XKR5: variants seen among roughly 807,000 people sequenced by gnomAD.
XKR5 encodes XK related 5, also known as XK-related protein 5.
A neutral mutation model predicts 40.8 loss-of-function variants in XKR5; 46 were observed. That is an observed-to-expected ratio of 1.13 (90% CI 0.89 to 1.44). XKR5 has a LOEUF of 1.44. XKR5 is among the 40% of genes most tolerant of loss of function. XKR5 has a pLI of 0.00. For missense variants in XKR5, 1,169 were observed against 844.7 expected (o/e 1.38, Z -4.76); for synonymous variants, 466 against 356.1 (o/e 1.31, Z -3.48).
chr8:6,818,764 C>A (rs750253779), intron 5 of XKR5, among the ~76,000 whole-genome samples: 20 of 152,226 alleles, frequency 1.3e-4, no homozygotes, highest in Non-Finnish European at 2.6e-4. Flanking sequence ...TGACAACCAG[C>A]AGGGCTGAGG....
chr8:6,814,197 T>G (rs1803859951), intron 6 of XKR5, among the ~76,000 whole-genome samples: 2 of 152,130 alleles, frequency 1.3e-5, no homozygotes, highest in Non-Finnish European at 2.9e-5. Context: ...AGCTTAGAAA[T>G]CAATGCTCTG....
rs974285262 is a variant in XKR5 at position 6,835,463 on chromosome 8, G to C, written c.31C>G (p.Leu11Val). The change falls in exon 1 of 7, where the codon CTG becomes GTG. Residue 11 changes from leucine to valine, a missense_variant. Leu to Val is a conservative substitution (Grantham distance 32). Transcript: ENST00000618742. MHARLLGLSA[L>V]LQAAEQSARL... Reference sequence around the variant, plus strand: ...GCGCTCTGCTCGGCCGCCTGCAGCAGGGCCGAGAGCCCCAGGAGCCTCGCG... The same window carrying C: ...GCGCTCTGCTCGGCCGCCTGCAGCACGGCCGAGAGCCCCAGGAGCCTCGCG... The C allele has an allele frequency of 6.7e-7, 1 of 1,501,584 alleles. No individual in the cohort carries two copies. Among genetic ancestry groups the C allele is most frequent in the African/African-American group, 1.4e-5 (1 of 69,288 alleles). 93.0% of individuals were successfully genotyped at this position (1,501,584 alleles called of 1,614,324 possible).
At chr8:6,824,037 G>T (rs28651316) in intron 3 of XKR5, among the ~76,000 whole-genome samples, 2 of 152,086 alleles carry the variant, frequency 1.3e-5, no homozygotes, top group Non-Finnish European at 2.9e-5. Flanking sequence ...TAAGAAAAAC[G>T]TCCCAGCTCC....
Position 6,832,779 on chromosome 8 carries a change from G to C in XKR5, c.180C>G (p.Asp60Glu). 6.2e-7 allele frequency: 1 copy of C among 1,613,230 alleles called. No homozygotes were observed. The highest frequency in any genetic ancestry group is 1.1e-5 in the South Asian group (1 of 90,834). ...TCAAGGAGCAATGCCCTGGATGCCC[G>C]TCTGCTCGGAACCACAGGTAGCTCA... is the stretch of plus-strand genomic sequence containing the variant. ...QALSYLWFRA[D>E]GHPGHCSLMM... The change falls in exon 2 of 7, where the codon GAC becomes GAG. Residue 60 changes from aspartate to glutamate, a missense_variant. Coordinates refer to ENST00000618742, the MANE Select transcript of XKR5 (RefSeq NM_207411.5).
chr8:6,818,607 G>A (rs1353065100), intron 5 of XKR5, among the ~76,000 whole-genome samples: 2 of 152,256 alleles, frequency 1.3e-5, no homozygotes, highest in Admixed American at 6.5e-5. Context: ...GAGGACAGTT[G>A]AGTAGATCCT....
At chr8:6,816,856 C>A (rs185159740) in intron 5 of XKR5, among the ~76,000 whole-genome samples, 37 of 151,854 alleles carry the variant, frequency 2.4e-4, no homozygotes, top group Admixed American at 1.2e-3. Flanking sequence ...TATTCATTGG[C>A]TTCGTTTTTC....
At chr8:6,819,784 T>G (rs1354191305) in intron 5 of XKR5, among the ~76,000 whole-genome samples, 2 of 152,194 alleles carry the variant, frequency 1.3e-5, no homozygotes, top group Non-Finnish European at 2.9e-5. Context: ...CTCTTTATGG[T>G]GATATTGGCT....
At position 6,811,005 on chromosome 8, in the gene XKR5, T is replaced by C. The variant is rs144059649; in HGVS notation, c.*193A>G. 470 of 576,114 alleles carry C rather than the reference T, an allele frequency of 8.2e-4. 2 individuals carry two copies. Among genetic ancestry groups the C allele is most frequent in the African/African-American group, 8.1e-3 (433 of 53,536 alleles). The allele number at this position is 576,114 out of a possible 1,614,324, so 35.7% of individuals were successfully genotyped here. A position where few individuals can be genotyped will look rare whatever the true frequency, so the allele number is the denominator to read the frequency against. ...GAGTCTCTCCTATGCATGGGTGGGGTCTGTGATGTTTGCATTGGACCTGCA... is the reference window on the plus strand; with the variant it reads ...GAGTCTCTCCTATGCATGGGTGGGGCCTGTGATGTTTGCATTGGACCTGCA... On this transcript the variant is annotated 3_prime_UTR_variant, in exon 7 of 7. Coordinates refer to ENST00000618742, the MANE Select transcript of XKR5 (RefSeq NM_207411.5).
Position 6,811,415 on chromosome 8 carries a change from C to T in XKR5, c.1844G>A (p.Gly615Asp). 2.6e-6 allele frequency: 4 copies of T among 1,537,178 alleles called. No individual in the cohort carries two copies. The highest frequency in any genetic ancestry group is 3.5e-6 in the Non-Finnish European group (4 of 1,146,868). The change falls in exon 7 of 7, where the codon GGC becomes GAC. Residue 615 changes from glycine (G) to aspartate (D), a missense_variant. Coordinates refer to ENST00000618742, the MANE Select transcript of XKR5 (RefSeq NM_207411.5). ...GATACTGAGGGTTCTTCCAGGGAAG[C>T]CTGCACTGGGGCAGAAGCCTCTACA... ...GPCRGFCPSA[G>D]FPGRTLSISE...
intron 2 of XKR5, among the ~76,000 whole-genome samples, chr8:6,825,757 A>G (rs1232603165): frequency 6.6e-6 from 1 of 152,156 alleles, no homozygotes; most frequent in Admixed American, 6.5e-5. Context: ...ACTGTGTGTT[A>G]TCATCTCTTT....
At position 6,832,757 on chromosome 8, in the gene XKR5, A is replaced by T. The variant is rs772518212; in HGVS notation, c.202T>A (p.Leu68Met). The T allele has an allele frequency of 6.2e-7, 1 of 1,613,536 alleles. No homozygotes were observed. Among genetic ancestry groups the T allele is most frequent in the South Asian group, 1.1e-5 (1 of 90,922 alleles). The change falls in exon 2 of 7, where the codon TTG becomes ATG. Residue 68 changes from leucine (L) to methionine (M), a missense_variant. Physicochemically the swap from Leu to Met is conservative, Grantham distance 15. Transcript: ENST00000618742. ...AGCTGTAGGAGGTGCAGCATCATCA[A>T]GGAGCAATGCCCTGGATGCCCGTCT... The part of the protein sequence containing the change: ...RADGHPGHCS[L>M]MMLHLLQLGV...
At chr8:6,821,297 G>C (rs886883889) in intron 5 of XKR5, among the ~76,000 whole-genome samples, 1 of 152,214 alleles carries the variant, frequency 6.6e-6, no homozygotes, top group African/African-American at 2.4e-5. Flanking sequence ...GGTGATGCTG[G>C]CAGCTACTCC....
In XKR5 at chr8:6,822,019, C is replaced by T; in HGVS notation, c.657G>A (p.Met219Ile). ...FVVAGAHWLV[M>I]TFWLVAQQSD... Reference sequence around the variant, plus strand: ...TCTGCTGGGCGACAAGCCAGAATGTCATCACCAGCCAGTGGGCACCTGCAG... The same window carrying T: ...TCTGCTGGGCGACAAGCCAGAATGTTATCACCAGCCAGTGGGCACCTGCAG... Residue 219 changes from methionine (M) to isoleucine (I), a missense_variant, in exon 5 of 7, where the codon ATG (methionine) becomes ATA (isoleucine). Met to Ile is a conservative substitution (Grantham distance 10). Coordinates refer to ENST00000618742, the MANE Select transcript of XKR5 (RefSeq NM_207411.5). 6.2e-7 allele frequency: 1 copy of T among 1,604,792 alleles called. No individual in the cohort carries two copies. The highest frequency in any genetic ancestry group is 8.5e-7 in the Non-Finnish European group (1 of 1,175,862).
intron 2 of XKR5, among the ~76,000 whole-genome samples, chr8:6,826,857 T>A (rs1804510567): frequency 6.6e-6 from 1 of 152,098 alleles, no homozygotes; most frequent in African/African-American, 2.4e-5. Context: ...TGCTGATCTC[T>A]GCACTGTGGA....
chr8:6,817,326 C>T (rs1323798680), intron 5 of XKR5, among the ~76,000 whole-genome samples: 6 of 152,188 alleles, frequency 3.9e-5, no homozygotes, highest in African/African-American at 1.2e-4. Context: ...TGCCACTTAG[C>T]GCAAGTTTTC....
At chr8:6,828,119 C>CTAAG (rs1232518278) in intron 2 of XKR5, among the ~76,000 whole-genome samples, 2 of 152,042 alleles carry the variant, frequency 1.3e-5, no homozygotes, top group African/African-American at 4.8e-5. Context: ...TTTTAGAAAC[C>CTAAG]TAAGATTCAG....
At chr8:6,821,797 C>A (rs1013141597) in intron 5 of XKR5, 72 bp downstream of exon 5, 181 of 1,368,358 alleles carry the variant, frequency 1.3e-4, no homozygotes, top group Non-Finnish European at 1.6e-4. Flanking sequence ...CACACACCCC[C>A]CACACACACC....
At chr8:6,834,078 T>C (rs1027946606) in intron 1 of XKR5, among the ~76,000 whole-genome samples, 2 of 152,144 alleles carry the variant, frequency 1.3e-5, no homozygotes, top group African/African-American at 4.8e-5. Context: ...TACTTTCACA[T>C]GGGGAACTCC....
Position 6,825,177 on chromosome 8 carries a change from C to G in XKR5, c.415G>C (p.Asp139His), listed in dbSNP as rs776598550. The change falls in exon 3 of 7, where the codon GAT (aspartate) becomes CAT (histidine). Residue 139 changes from aspartate (D) to histidine (H), a missense_variant. Physicochemically the swap from Asp to His is moderately conservative, Grantham distance 81. Transcript: ENST00000618742. ...GACAGTTACTCACCTGGCACAATAT[C>G]TGTGAAGTCTGAGGCTAGAAAAACA... is the stretch of plus-strand genomic sequence containing the variant. ...TYVFLASDFT[D>H]IVPGVSTLFS... is the part of the protein sequence containing the mutation. The G allele has an allele frequency of 5.0e-6, 8 of 1,613,442 alleles. 1 individual carries two copies. The African/African-American group carries it at 8.0e-5, about 16-fold the overall frequency.
Sources: gnomAD v4.1 joint callset for allele counts (sites outside exome capture counted in the v4.1 genomes callset) on GRCh38, gnomAD v4.1.1 for gene constraint, MANE v1.5 for transcripts, NCBI Gene and HGNC (gene_info 2026-07-23, HGNC 2026-07-21) for gene names.